MTHFD1L: variants seen among roughly 807,000 people sequenced by gnomAD.
MTHFD1L encodes the protein monofunctional C1-tetrahydrofolate synthase, mitochondrial.
A neutral mutation model predicts 119.5 loss-of-function variants in MTHFD1L; 81 were observed. That is an observed-to-expected ratio of 0.68 (90% confidence interval 0.57 to 0.82). The LOEUF (loss-of-function observed/expected upper bound fraction) is 0.82, where lower values mean the gene tolerates loss of function less well. Among genes scored for constraint, MTHFD1L ranks in the 40% least tolerant of loss-of-function variants. MTHFD1L has a pLI of 0.00. For missense variants in MTHFD1L, 1,125 were observed against 1,253.4 expected, an observed-to-expected ratio of 0.90 and a Z score of 1.55; for synonymous variants, 430 against 475.2, an observed-to-expected ratio of 0.90 and a Z score of 1.24.
At chr6:150,987,398 A>G (rs577640531) in intron 20 of MTHFD1L, among the ~76,000 whole-genome samples, 1 of 152,358 alleles carries the variant, frequency 6.6e-6, no homozygotes, top group African/African-American at 2.4e-5. Flanking sequence ...GTGCTGTTCC[A>G]GGCATGGATA....
chr6:151,065,826 C>T (rs1265918503), intron 26 of MTHFD1L, among the ~76,000 whole-genome samples: 1 of 152,210 alleles, frequency 6.6e-6, no homozygotes, highest in East Asian at 1.9e-4. Context: ...ACCACAAGAC[C>T]AGGATAGGAG....
intron 18 of MTHFD1L, among the ~76,000 whole-genome samples, chr6:150,962,914 CT>C (rs4035893): frequency 0.037 from 4,269 of 114,040 alleles, 113 homozygotes; most frequent in Admixed American, 0.14. Context: ...CTTTTCTTTT[CT>C]TTTTTTTTTT....
intron 16 of MTHFD1L, among the ~76,000 whole-genome samples, chr6:150,952,412 C>G (rs759865276): frequency 1.3e-5 from 2 of 152,174 alleles, no homozygotes; most frequent in Non-Finnish European, 2.9e-5. Context: ...GATTTGACAA[C>G]TAGAGCAGGA....
intron 19 of MTHFD1L, among the ~76,000 whole-genome samples, chr6:150,965,417 T>G (rs1046530515): frequency 4.6e-5 from 7 of 152,026 alleles, no homozygotes; most frequent in Non-Finnish European, 4.4e-5. Context: ...TCCCAGCACT[T>G]TGTGAGGCCG....
At chr6:150,993,938 C>T (rs560018042) in intron 20 of MTHFD1L, among the ~76,000 whole-genome samples, 17 of 151,274 alleles carry the variant, frequency 1.1e-4, no homozygotes, top group South Asian at 2.1e-4. Context: ...GAAAACACTG[C>T]GCAGTGTTGA....
intron 26 of MTHFD1L, among the ~76,000 whole-genome samples, chr6:151,087,385 G>A (rs1468783337): frequency 6.6e-6 from 1 of 152,084 alleles, no homozygotes; most frequent in African/African-American, 2.4e-5. Context: ...ATCCATCAGA[G>A]AAGGAAAGAA....
intron 20 of MTHFD1L, among the ~76,000 whole-genome samples, chr6:151,009,401 G>A (rs1321593873): frequency 6.6e-6 from 1 of 151,968 alleles, no homozygotes; most frequent in Non-Finnish European, 1.5e-5. Context: ...TTAGCCAGGT[G>A]TGGTGGCAAA....
chr6:150,919,342 G>C (rs906598703), intron 9 of MTHFD1L, among the ~76,000 whole-genome samples: 1 of 151,842 alleles, frequency 6.6e-6, no homozygotes, highest in African/African-American at 2.4e-5. Context: ...TCATGCCTCA[G>C]CCTCCTGAGT....
intron 7 of MTHFD1L, among the ~76,000 whole-genome samples, chr6:150,905,306 A>T (rs147506319): frequency 0.01 from 1,562 of 152,168 alleles, 18 homozygotes; most frequent in East Asian, 0.024. Flanking sequence ...TGCTGGGATT[A>T]CAGGTGTGAG....
chr6:151,055,677 A>C (rs1319760225), intron 26 of MTHFD1L: 2 of 152,174 alleles, frequency 1.3e-5, no homozygotes, highest in African/African-American at 4.8e-5. Flanking sequence ...GCAGGTGCTC[A>C]CTACCACGCC....
chr6:150,940,979 C>T (rs1212762520), intron 13 of MTHFD1L, among the ~76,000 whole-genome samples: 1 of 152,210 alleles, frequency 6.6e-6, no homozygotes, highest in Non-Finnish European at 1.5e-5. Context: ...TGTATCCTCC[C>T]AGCTCTGAGC....
intron 11 of MTHFD1L, among the ~76,000 whole-genome samples, chr6:150,931,268 CTTTTT>C (rs370763551): frequency 0.17 from 20,496 of 123,456 alleles, 1,435 homozygotes; most frequent in Admixed American, 0.24. Context: ...ATCATTTCAT[CTTTTT>C]TTTTTTTTTT....
intron 26 of MTHFD1L, among the ~76,000 whole-genome samples, chr6:151,069,278 T>TCTCTCTCC (rs1177991974): frequency 3.4e-4 from 51 of 151,020 alleles, no homozygotes; most frequent in South Asian, 6.3e-4. Flanking sequence ...TCTCTCTCTC[T>TCTCTCTCC]CTCCCTCCCT....
At chr6:150,942,084 C>A (rs1793220169) in intron 13 of MTHFD1L, among the ~76,000 whole-genome samples, 1 of 151,910 alleles carries the variant, frequency 6.6e-6, no homozygotes, top group South Asian at 2.1e-4. Context: ...CATGGGGAAA[C>A]CCTGTCTCTA....
At chr6:150,975,807 C>A (rs1040220865) in intron 20 of MTHFD1L, among the ~76,000 whole-genome samples, 8 of 152,198 alleles carry the variant, frequency 5.3e-5, no homozygotes, top group African/African-American at 1.9e-4. Context: ...TTGGCAGAAG[C>A]CCCCTGAGCA....
intron 9 of MTHFD1L, among the ~76,000 whole-genome samples, chr6:150,921,910 C>A (rs1562383166): frequency 6.6e-6 from 1 of 152,292 alleles, no homozygotes; most frequent in Middle Eastern, 3.4e-3. Flanking sequence ...GCTGGATCAT[C>A]AAGTTCATGC....
intron 26 of MTHFD1L, among the ~76,000 whole-genome samples, chr6:151,089,706 GA>G (rs908899937): frequency 3.9e-5 from 6 of 152,256 alleles, no homozygotes; most frequent in Non-Finnish European, 7.4e-5. Flanking sequence ...TAGGCAACTG[GA>G]AAAAAATATG....
intron 11 of MTHFD1L, among the ~76,000 whole-genome samples, chr6:150,932,356 A>G (rs1347965623): frequency 1.3e-5 from 2 of 152,112 alleles, no homozygotes; most frequent in Admixed American, 1.3e-4. Context: ...ATTCTAGAAT[A>G]ATCATATAAT....
At chr6:151,092,445 A>G (rs760123584) in intron 26 of MTHFD1L, 22 bp from the exon 27 acceptor site, 19 of 1,592,518 alleles carry the variant, frequency 1.2e-5, no homozygotes, top group Middle Eastern at 1.7e-4. Flanking sequence ...GCTAATCTGT[A>G]ACGCTTGGTT....
Sources: gnomAD v4.1 joint callset for allele counts (sites outside exome capture counted in the v4.1 genomes callset) on GRCh38, gnomAD v4.1.1 for gene constraint, MANE v1.5 for transcripts, NCBI Gene and HGNC (gene_info 2026-07-23, HGNC 2026-07-21) for gene names.